Variants in FOXP2 observed in about 807,000 individuals in gnomAD.
FOXP2 encodes the protein forkhead box P2.
Under a neutral mutation model 115.8 loss-of-function variants are expected in FOXP2, and 12 were observed. That is an observed-to-expected ratio of 0.10 (90% CI 0.07 to 0.17). The LOEUF (loss-of-function observed/expected upper bound fraction) is 0.17. Among genes scored for constraint, FOXP2 ranks in the 10% least tolerant of loss-of-function variants. The probability of loss-of-function intolerance (pLI) is 1.00; values close to 1 mark genes in which losing one functional copy is unlikely to be tolerated. For synonymous variants in FOXP2, 328 were observed against 297.7 expected, an observed-to-expected ratio of 1.10 and a Z score of -1.05; for missense variants, 629 against 843.5, an observed-to-expected ratio of 0.75 and a Z score of 3.15.
chr7:114,112,999 C>T (rs13246909), intron 1 of FOXP2, among the ~76,000 whole-genome samples: 70,984 of 151,894 alleles, frequency 0.47, 17,627 homozygotes, highest in African/African-American at 0.63. Flanking sequence ...GAGTGTATTG[C>T]GCAATTTTAG....
intron 3 of FOXP2, among the ~76,000 whole-genome samples, chr7:114,545,639 G>T (rs926932203): frequency 1.3e-5 from 2 of 152,082 alleles, no homozygotes; most frequent in African/African-American, 4.8e-5. Flanking sequence ...TGCTGCAATG[G>T]CTCTGGCACT....
intron 3 of FOXP2, among the ~76,000 whole-genome samples, chr7:114,575,806 A>G (rs1250642851): frequency 1.3e-5 from 2 of 151,956 alleles, no homozygotes; most frequent in Admixed American, 1.3e-4. Flanking sequence ...AGTAACCTGA[A>G]GTTAAAGATA....
intron 3 of FOXP2, among the ~76,000 whole-genome samples, chr7:114,603,748 G>A (rs760315451): frequency 1.6e-4 from 25 of 152,014 alleles, no homozygotes; most frequent in Admixed American, 5.2e-4. Flanking sequence ...TGATTATTAC[G>A]AGTGATTAAA....
intron 1 of FOXP2, among the ~76,000 whole-genome samples, chr7:114,231,898 A>G (rs1192120639): frequency 2.0e-5 from 3 of 152,240 alleles, no homozygotes; most frequent in Non-Finnish European, 4.4e-5. Flanking sequence ...GTTTCAGTGC[A>G]GCAAAAGAAA....
chr7:114,220,012 G>A (rs1292333831), intron 1 of FOXP2, among the ~76,000 whole-genome samples: 8 of 150,974 alleles, frequency 5.3e-5, no homozygotes, highest in East Asian at 1.9e-4. Context: ...GACTACAGGC[G>A]CGCACCACCA....
intron 2 of FOXP2, among the ~76,000 whole-genome samples, chr7:114,332,413 TTC>T (rs1016180796): frequency 1.3e-5 from 2 of 152,050 alleles, no homozygotes; most frequent in African/African-American, 4.8e-5. Context: ...ATGAGGAGGG[TTC>T]TCTCTCTTAT....
intron 16 of FOXP2, among the ~76,000 whole-genome samples, chr7:114,686,940 A>G (rs1808396934): frequency 6.6e-6 from 1 of 152,120 alleles, no homozygotes. Flanking sequence ...TAGGATCCAA[A>G]TGTTTTTTGA....
intron 3 of FOXP2, among the ~76,000 whole-genome samples, chr7:114,619,284 A>T (rs1281472536): frequency 6.6e-6 from 1 of 152,130 alleles, no homozygotes; most frequent in African/African-American, 2.4e-5. Context: ...TTCACTAATC[A>T]CAAAATAGCT....
chr7:114,279,455 A>G (rs1796273467), intron 1 of FOXP2, among the ~76,000 whole-genome samples: 1 of 152,142 alleles, frequency 6.6e-6, no homozygotes, highest in Admixed American at 6.6e-5. Context: ...CCTATTTTTC[A>G]CATACTTGAA....
At chr7:114,125,691 T>C (rs1791689088) in intron 1 of FOXP2, among the ~76,000 whole-genome samples, 1 of 152,128 alleles carries the variant, frequency 6.6e-6, no homozygotes, top group Admixed American at 6.6e-5. Flanking sequence ...CAGTGAATCA[T>C]GACTTCTGCC....
intron 2 of FOXP2, among the ~76,000 whole-genome samples, chr7:114,407,158 C>G (rs1793055134): frequency 6.6e-6 from 1 of 151,750 alleles, no homozygotes; most frequent in Admixed American, 6.6e-5. Flanking sequence ...ACTGTCTAAA[C>G]GTGTGAAAAG....
At chr7:114,627,434 G>A (rs1423194796) in intron 3 of FOXP2, among the ~76,000 whole-genome samples, 2 of 152,054 alleles carry the variant, frequency 1.3e-5, no homozygotes, top group Non-Finnish European at 2.9e-5. Flanking sequence ...AAGTTGACAA[G>A]TTGTTTGATT....
intron 1 of FOXP2, among the ~76,000 whole-genome samples, chr7:114,232,808 C>T (rs1319713807): frequency 6.5e-5 from 9 of 139,506 alleles, no homozygotes; most frequent in African/African-American, 1.1e-4. Context: ...AGCGAAACTC[C>T]GTCTCAAAAA....
In FOXP2 at chr7:114,320,444, C is replaced by CAT. The variant is rs542661677; in HGVS notation, c.-11+32335_-11+32336insAT. 5.3e-3 allele frequency among the ~76,000 whole-genome samples: 808 copies of CAT among 152,052 alleles called. 5 individuals carry two copies. The highest frequency in any genetic ancestry group is 0.019 in the African/African-American group (781 of 41,426). ...ACTCATTGTTCAAGTTACTTAATTACGTGTTTGTTTGTTTGTTATATTTCC... is the reference window on the plus strand; with the variant it reads ...ACTCATTGTTCAAGTTACTTAATTACATGTGTTTGTTTGTTTGTTATATTTCC... On this transcript the variant is annotated intron_variant, in intron 2 of 17. Coordinates refer to the FOXP2 transcript ENST00000634411.
At chr7:114,361,656 C>T (rs988536127) in intron 2 of FOXP2, among the ~76,000 whole-genome samples, 2 of 152,000 alleles carry the variant, frequency 1.3e-5, no homozygotes, top group Non-Finnish European at 2.9e-5. Context: ...ATTCACAAAA[C>T]TCAGTAAATT....
intron 10 of FOXP2, chr7:114,656,560 C>T (rs1423193321): frequency 2.3e-6 from 1 of 433,174 alleles, no homozygotes; most frequent in African/African-American, 2.0e-5. Context: ...GTATTAAATG[C>T]AGCATTTAGG....
In FOXP2 at chr7:114,331,961, G is replaced by A. The variant is rs144205686; in HGVS notation, c.-11+43852G>A. Among the ~76,000 whole-genome samples the A allele has an allele frequency of 6.4e-3, 975 of 152,140 alleles. 8 individuals are homozygous for A. The highest frequency in any genetic ancestry group is 0.023 in the African/African-American group (942 of 41,510). ...TGCACCTGGGCTTCTGACATTTTCAGTAGTTGCATATCAGATGTGCAACAA... is the reference window on the plus strand; with the variant it reads ...TGCACCTGGGCTTCTGACATTTTCAATAGTTGCATATCAGATGTGCAACAA... On this transcript the variant is annotated intron_variant, in intron 2 of 17. Transcript: ENST00000634411.
intron 3 of FOXP2, 42 bp from the exon 4 acceptor site, chr7:114,628,498 T>C (rs1016692236): frequency 1.2e-6 from 2 of 1,612,568 alleles, no homozygotes; most frequent in African/African-American, 2.7e-5. Flanking sequence ...AGATATTTGG[T>C]TATGACCACG....
intron 1 of FOXP2, among the ~76,000 whole-genome samples, chr7:114,270,732 T>C (rs1584595947): frequency 6.6e-6 from 1 of 152,160 alleles, no homozygotes; most frequent in African/African-American, 2.4e-5. Context: ...AATGTGTCTG[T>C]TGCACATATT....
Sources: gnomAD v4.1 joint callset for allele counts (sites outside exome capture counted in the v4.1 genomes callset) on GRCh38, gnomAD v4.1.1 for gene constraint, MANE v1.5 for transcripts, NCBI Gene and HGNC (gene_info 2026-07-23, HGNC 2026-07-21) for gene names.